PTPRF: variants seen among roughly 807,000 people sequenced by gnomAD.
PTPRF encodes the protein protein tyrosine phosphatase receptor type F.
PTPRF carries 59 observed loss-of-function variants against 201.8 expected under a neutral mutation model. The ratio of observed to expected loss-of-function variants is 0.29; its 90% CI spans 0.24 to 0.36. The LOEUF is 0.36. Ranked by LOEUF, PTPRF falls within the 10% of genes least tolerant of loss-of-function variation. PTPRF has a pLI of 1.00. For synonymous variants in PTPRF, 1,088 were observed against 1,089.7 expected (o/e 1.00, Z 0.03); for missense variants, 2,132 against 2,690.5 (o/e 0.79, Z 4.59).
At position 43,591,066 on chromosome 1, in the gene PTPRF, C is replaced by T. The variant is rs763835858; in HGVS notation, c.1044C>T (p.Thr348=). 1 of 1,613,918 alleles carries T rather than the reference C, an allele frequency of 6.2e-7. No homozygotes were observed. The highest frequency in any genetic ancestry group is 1.3e-5 in the African/African-American group (1 of 74,960). ...ACTCTGGGAACTCGGAGCCTGTAAC[C>T]TACTATGGCATCCAGTACCGCGCAG... ...TWDSGNSEPV[T]YYGIQYRAAG... The change falls in exon 9 of 34, where the codon ACC becomes ACT. Residue 348 remains threonine, a synonymous_variant. Transcript: ENST00000359947.
rs1167542100 is a variant in PTPRF at position 43,617,877 on chromosome 1, T to G, written c.4337T>G (p.Val1446Gly). ...RMVWEQRTATVVMMTRLEEKS... is the reference protein window; with the variant it reads ...RMVWEQRTATGVMMTRLEEKS... The stretch of plus-strand genomic sequence containing the variant: ...GTGTGGGAACAGCGCACGGCCACTG[T>G]GGTCATGATGACACGGCTGGAGGAG... The change falls in exon 25 of 34, where the codon GTG becomes GGG. Residue 1446 changes from valine (V) to glycine (G), a missense_variant. Around this residue, in one of 6 missense-constraint regions of PTPRF, gnomAD observed 519 missense variants for 659.5 expected, o/e 0.79. Transcript: ENST00000359947. The G allele has an allele frequency of 1.2e-6, 2 of 1,612,742 alleles. No individual in the cohort carries two copies. Among genetic ancestry groups the G allele is most frequent in the Non-Finnish European group, 1.7e-6 (2 of 1,179,072 alleles).
rs533446120 is a variant in PTPRF, at chr1:43,603,765, C to T, written c.2613C>T (p.Gly871=). The T allele has an allele frequency of 9.3e-6, 15 of 1,613,934 alleles. No individual in the cohort carries two copies. The highest frequency in any genetic ancestry group is 1.3e-5 in the Non-Finnish European group (15 of 1,180,058). The change falls in exon 16 of 34, where the codon GGC becomes GGT. Residue 871 remains glycine (G), a synonymous_variant. Coordinates refer to ENST00000359947, the MANE Select transcript of PTPRF (RefSeq NM_002840.5). The surrounding 1 kb of genome is among the most constrained non-coding windows in gnomAD (Gnocchi z 5.8). The part of the protein sequence containing the change: ...DEARPNTIDF[G]KDDQHFTVTG... The stretch of plus-strand genomic sequence containing the variant: ...CGCGGCCCAACACCATAGATTTCGG[C>T]AAGGATGACCAGCACTTCACAGTCA...
chr1:43,583,141 G>T, intron 7 of PTPRF: 1 of 973,800 alleles, frequency 1.0e-6, no homozygotes, highest in Non-Finnish European at 1.2e-6. Context: ...CCATCGATGG[G>T]ACACGCCTGT....
intron 6 of PTPRF, among the ~76,000 whole-genome samples, chr1:43,570,063 C>T (rs915066213): frequency 1.3e-5 from 2 of 152,224 alleles, no homozygotes; most frequent in African/African-American, 4.8e-5. Flanking sequence ...CAAGGGTGCT[C>T]TATGGATGTT....
intron 5 of PTPRF, among the ~76,000 whole-genome samples, chr1:43,567,509 C>G (rs578039615): frequency 2.6e-5 from 4 of 152,204 alleles, no homozygotes; most frequent in Non-Finnish European, 4.4e-5. Flanking sequence ...GCGGCAAGGC[C>G]GTGCTGGGAA....
chr1:43,566,961 G>A (rs973841403), intron 5 of PTPRF, among the ~76,000 whole-genome samples: 11 of 152,284 alleles, frequency 7.2e-5, no homozygotes, highest in East Asian at 5.8e-4. Context: ...TTAATTTGGC[G>A]TAAATCCCAA....
intron 6 of PTPRF, among the ~76,000 whole-genome samples, chr1:43,577,388 T>C (rs1646998499): frequency 6.6e-6 from 1 of 152,246 alleles, no homozygotes; most frequent in Non-Finnish European, 1.5e-5. Context: ...CCCTGGCATC[T>C]GGTGGGGAGG....
intron 2 of PTPRF, among the ~76,000 whole-genome samples, chr1:43,543,031 C>T (rs910712422): frequency 3.9e-5 from 6 of 152,120 alleles, no homozygotes; most frequent in East Asian, 3.8e-4. Context: ...CCGATGATGC[C>T]GGTACGAGGC....
rs1488853339 is a variant in PTPRF, at chr1:43,554,609, G to C, written c.379+668G>C. 6.6e-6 allele frequency among the ~76,000 whole-genome samples: 1 copy of C among 152,076 alleles called. No homozygotes were observed. The highest frequency in any genetic ancestry group is 2.4e-5 in the African/African-American group (1 of 41,402). ...CAATTTGGGTTTTCTGGAGGGCAGA[G>C]GGGGAGCTAGAGAGCACAGGAAGAA... On this transcript the variant is annotated intron_variant, in intron 5 of 33. Transcript: ENST00000359947. The surrounding 1 kb of genome is among the most constrained non-coding windows in gnomAD (Gnocchi z 4.1).
rs1304865226 is a variant in PTPRF, at chr1:43,553,283, A to T, written c.92-209A>T. Among the ~76,000 whole-genome samples the T allele has an allele frequency of 2.0e-5, 3 of 152,192 alleles. No individual in the cohort carries two copies. Among genetic ancestry groups the T allele is most frequent in the Non-Finnish European group, 4.4e-5 (3 of 68,034 alleles). On this transcript the variant is annotated intron_variant, in intron 3 of 33. Coordinates refer to ENST00000359947, the MANE Select transcript of PTPRF (RefSeq NM_002840.5). The surrounding 1 kb of genome is among the most constrained non-coding windows in gnomAD (Gnocchi z 4.1). The stretch of plus-strand genomic sequence containing the variant: ...TCTCTGGGCCTCTAGAAACAGATAC[A>T]GTTATAGCACTCACCTCATATGCTT...
At chr1:43,574,318 A>G (rs1646781582) in intron 6 of PTPRF, among the ~76,000 whole-genome samples, 2 of 152,118 alleles carry the variant, frequency 1.3e-5, no homozygotes, top group Admixed American at 6.5e-5. Flanking sequence ...ATTTCTATTG[A>G]TGTTTACCAT....
At chr1:43,617,147 A>T (rs1012955573) in intron 23 of PTPRF, among the ~76,000 whole-genome samples, 1 of 152,048 alleles carries the variant, frequency 6.6e-6, no homozygotes, top group Non-Finnish European at 1.5e-5. Flanking sequence ...AGCTCATTTC[A>T]TTAGGTGAGT....
At chr1:43,584,620 G>A (rs1202039742) in intron 7 of PTPRF, among the ~76,000 whole-genome samples, 1 of 152,058 alleles carries the variant, frequency 6.6e-6, no homozygotes, top group African/African-American at 2.4e-5. Context: ...GCAGACATGA[G>A]TTTCTAAATA....
chr1:43,540,791 C>T (rs993035330), intron 2 of PTPRF, among the ~76,000 whole-genome samples: 4 of 152,210 alleles, frequency 2.6e-5, no homozygotes, highest in Non-Finnish European at 4.4e-5. Flanking sequence ...GGAGGGAAGG[C>T]GGCCTCACCC....
chr1:43,590,408 G>A (rs780707396), intron 8 of PTPRF, among the ~76,000 whole-genome samples: 11 of 152,236 alleles, frequency 7.2e-5, no homozygotes, highest in Non-Finnish European at 1.6e-4. Context: ...CTGGCATTGA[G>A]TGGGTGCTTG....
chr1:43,534,132 T>A (rs1159096929), intron 1 of PTPRF, among the ~76,000 whole-genome samples: 2 of 151,996 alleles, frequency 1.3e-5, no homozygotes, highest in African/African-American at 2.4e-5. Flanking sequence ...GAGAAAGGAC[T>A]TGAGATAGAT....
chr1:43,571,090 A>G (rs555276056), intron 6 of PTPRF, among the ~76,000 whole-genome samples: 2 of 152,196 alleles, frequency 1.3e-5, no homozygotes, highest in East Asian at 1.9e-4. Flanking sequence ...TAGTATTTAT[A>G]TAGTGCTTGG....
chr1:43,523,203 A>C (rs1366085579), upstream of PTPRF, among the ~76,000 whole-genome samples: 1 of 146,354 alleles, frequency 6.8e-6, no homozygotes, highest in Non-Finnish European at 1.5e-5. Flanking sequence ...GATCTTGGGC[A>C]TGCTGGGGCT....
rs772113752 is a variant in PTPRF, at chr1:43,603,656, C to G, written c.2504C>G (p.Thr835Ser). 2 of 1,613,618 alleles carry G rather than the reference C, an allele frequency of 1.2e-6. No homozygotes were observed. The highest frequency in any genetic ancestry group is 4.5e-5 in the East Asian group (2 of 44,876). Residue 835 changes from threonine to serine, a missense_variant, in exon 16 of 34, where the codon ACT becomes AGT. Thr to Ser is a moderately conservative substitution (Grantham distance 58). Around this residue, in one of 6 missense-constraint regions of PTPRF, gnomAD observed 818 missense variants for 915.3 expected, o/e 0.89. Transcript: ENST00000359947. The surrounding 1 kb of genome is among the most constrained non-coding windows in gnomAD (Gnocchi z 5.8). ...ATGATCAGCACCACGGCCATGAACA[C>G]TGCGCTGCTCCAGTGGCACCCACCC... ...TMMISTTAMN[T>S]ALLQWHPPKE...
Sources: allele counts gnomAD v4.1 joint callset (sites outside exome capture counted in the v4.1 genomes callset), GRCh38; gene constraint gnomAD v4.1.1; regional missense constraint gnomAD v4.1.1; non-coding constraint Gnocchi (gnomAD v3.1); transcripts MANE v1.5; gene names NCBI Gene and HGNC (gene_info 2026-07-23, HGNC 2026-07-21).